Variants in FGF1 observed in about 807,000 individuals in gnomAD.
FGF1 encodes the protein beta-endothelial cell growth factor.
FGF1 carries 9 observed loss-of-function variants against 13.4 expected under a neutral mutation model. That is an observed-to-expected ratio of 0.67 (90% CI 0.40 to 1.17). The LOEUF is 1.17. Ranked by LOEUF, FGF1 falls within the 50% of genes most tolerant of loss-of-function variation. FGF1 has a pLI of 0.01. For missense variants in FGF1, 156 were observed against 192.7 expected, an observed-to-expected ratio of 0.81 and a Z score of 1.13; for synonymous variants, 93 against 79.0, an observed-to-expected ratio of 1.18 and a Z score of -0.94.
chr5:142,666,189 T>C (rs1255700526), intron 1 of FGF1, among the ~76,000 whole-genome samples: 1 of 150,080 alleles, frequency 6.7e-6, no homozygotes, highest in Non-Finnish European at 1.5e-5. Context: ...GGGTGAAATC[T>C]GTATCAGCAT....
At chr5:142,607,326 G>A (rs901006783) in intron 2 of FGF1, among the ~76,000 whole-genome samples, 1 of 152,176 alleles carries the variant, frequency 6.6e-6, no homozygotes, top group Non-Finnish European at 1.5e-5. Flanking sequence ...CAAATGAGGA[G>A]CAAGCACTCT....
intron 1 of FGF1, among the ~76,000 whole-genome samples, chr5:142,634,327 G>A (rs79886801): frequency 2.2e-3 from 334 of 152,300 alleles, no homozygotes; most frequent in African/African-American, 7.7e-3. Context: ...AGAGCATAGT[G>A]TATTGAAGTA....
intron 2 of FGF1, among the ~76,000 whole-genome samples, chr5:142,611,090 A>G (rs1267605940): frequency 6.6e-6 from 1 of 152,222 alleles, no homozygotes; most frequent in Non-Finnish European, 1.5e-5. Context: ...GTCTCTAATT[A>G]TGCTCAAACT....
At chr5:142,622,914 C>T (rs776642194) in intron 1 of FGF1, among the ~76,000 whole-genome samples, 1 of 152,214 alleles carries the variant, frequency 6.6e-6, no homozygotes, top group Admixed American at 6.5e-5. Context: ...CCGTGGTTGA[C>T]AGTAAACTGT....
At position 142,600,744 on chromosome 5, in the gene FGF1, G is replaced by T. The variant is rs757777267; in HGVS notation, c.231C>A (p.Gly77=). The T allele has an allele frequency of 6.2e-7, 1 of 1,613,836 alleles. No individual in the cohort carries two copies. Among genetic ancestry groups the T allele is most frequent in the South Asian group, 1.1e-5 (1 of 91,066 alleles). ...CGTCGGTGTCCATGGCCAAGTACTG[G>T]CCAGTCTCGGTACTCTTTATATACA... The part of the protein sequence containing the change: ...GEVYIKSTET[G]QYLAMDTDGL... The change falls in exon 3 of 4, where the codon GGC becomes GGA. Residue 77 remains glycine (G), a synonymous_variant. Coordinates refer to ENST00000337706, the MANE Select transcript of FGF1 (RefSeq NM_000800.5).
rs745989165 is a variant in FGF1, at chr5:142,634,192, CAAG to C, written c.-34-20034_-34-20032del. 6.7e-4 allele frequency among the ~76,000 whole-genome samples: 36 copies of C among 53,354 alleles called. 6 individuals carry two copies. The highest frequency in any genetic ancestry group is 1.4e-3 in the African/African-American group (17 of 12,010). 35.0% of individuals were successfully genotyped at this position (53,354 alleles called of 152,430 possible). On this transcript the variant is annotated intron_variant, in intron 1 of 3. Transcript: ENST00000337706. ...TGGGTGACAGAGCGAGACTCCATCT[CAAG>C]AAAAAAAAAAAAAAAAAACTCCCTC...
At chr5:142,610,560 A>T (rs1758831771) in intron 2 of FGF1, among the ~76,000 whole-genome samples, 1 of 152,106 alleles carries the variant, frequency 6.6e-6, no homozygotes, top group South Asian at 2.1e-4. Context: ...TGTCCCCCTG[A>T]GCTGAAGCTT....
At chr5:142,687,827 G>A (rs1751497994), upstream of FGF1, among the ~76,000 whole-genome samples, 1 of 152,098 alleles carries the variant, frequency 6.6e-6, no homozygotes, top group Non-Finnish European at 1.5e-5. Flanking sequence ...CCCTGCTTTA[G>A]GTTAACCCCG....
At chr5:142,627,781 C>T (rs890907515) in intron 1 of FGF1, among the ~76,000 whole-genome samples, 3 of 152,240 alleles carry the variant, frequency 2.0e-5, no homozygotes, top group African/African-American at 7.2e-5. Flanking sequence ...GCAGAGCCTA[C>T]ACTAGGACAA....
At chr5:142,672,417 A>C (rs2152030533) in intron 1 of FGF1, among the ~76,000 whole-genome samples, 1 of 152,274 alleles carries the variant, frequency 6.6e-6, no homozygotes, top group Admixed American at 6.5e-5. Flanking sequence ...AATAAAAAAA[A>C]CTACATGAAA....
At chr5:142,602,275 C>G (rs537952449) in intron 2 of FGF1, among the ~76,000 whole-genome samples, 1 of 151,826 alleles carries the variant, frequency 6.6e-6, no homozygotes, top group Non-Finnish European at 1.5e-5. Context: ...CTCCCGGGTT[C>G]AAGCAATTCT....
chr5:142,669,664 G>A (rs12188712), intron 1 of FGF1, among the ~76,000 whole-genome samples: 28,202 of 152,186 alleles, frequency 0.19, 2,825 homozygotes, highest in African/African-American at 0.22. Flanking sequence ...GCTGTGGGGC[G>A]TGTCGCGGCT....
At chr5:142,658,606 G>A (rs1258639321) in intron 1 of FGF1, among the ~76,000 whole-genome samples, 1 of 152,154 alleles carries the variant, frequency 6.6e-6, no homozygotes, top group Non-Finnish European at 1.5e-5. Flanking sequence ...TTCACAGGCA[G>A]CAGACACACA....
upstream of FGF1, among the ~76,000 whole-genome samples, chr5:142,688,250 G>A (rs571670706): frequency 3.0e-4 from 45 of 152,160 alleles, 1 homozygote; most frequent in African/African-American, 1.0e-3. Flanking sequence ...TATAATTCCC[G>A]CCAATGTGGA....
chr5:142,665,594 C>T (rs1418330137), intron 1 of FGF1, among the ~76,000 whole-genome samples: 1 of 152,136 alleles, frequency 6.6e-6, no homozygotes, highest in African/African-American at 2.4e-5. Flanking sequence ...TCCCGGAATT[C>T]CCTCAACACT....
intron 1 of FGF1, among the ~76,000 whole-genome samples, chr5:142,638,690 G>T (rs1319036874): frequency 1.3e-5 from 2 of 151,992 alleles, no homozygotes; most frequent in African/African-American, 2.4e-5. Context: ...CAATGGAATT[G>T]CATCAAACTA....
In FGF1 at chr5:142,594,555, T is replaced by A. The variant is rs1463633302; in HGVS notation, c.*735A>T. 1 of 152,310 alleles carries A rather than the reference T, an allele frequency of 6.6e-6. No individual in the cohort carries two copies. The highest frequency in any genetic ancestry group is 1.5e-5 in the Non-Finnish European group (1 of 68,140). 9.4% of individuals were successfully genotyped at this position (152,310 alleles called of 1,614,324 possible). On this transcript the variant is annotated 3_prime_UTR_variant, in exon 4 of 4. Coordinates refer to ENST00000337706, the MANE Select transcript of FGF1 (RefSeq NM_000800.5). ...CCAGCTCTGATATCCTTGCTTGTTATCAGGAAACCACTTCTAGTGCTCTCC... is the reference window on the plus strand; with the variant it reads ...CCAGCTCTGATATCCTTGCTTGTTAACAGGAAACCACTTCTAGTGCTCTCC...
At chr5:142,688,320 A>G (rs1004992644), upstream of FGF1, among the ~76,000 whole-genome samples, 1 of 152,200 alleles carries the variant, frequency 6.6e-6, no homozygotes, top group African/African-American at 2.4e-5. Flanking sequence ...AACTTCTGTT[A>G]CTATCTAGAT....
intron 1 of FGF1, among the ~76,000 whole-genome samples, chr5:142,677,054 T>A (rs1772756029): frequency 1.3e-5 from 2 of 152,146 alleles, no homozygotes; most frequent in South Asian, 4.1e-4. Flanking sequence ...GCAGCTCTCT[T>A]CTCCTCTGGG....
Sources: allele counts gnomAD v4.1 joint callset (sites outside exome capture counted in the v4.1 genomes callset), GRCh38; gene constraint gnomAD v4.1.1; transcripts MANE v1.5; gene names NCBI Gene and HGNC (gene_info 2026-07-23, HGNC 2026-07-21).